Variants in AKR1B15 observed in about 807,000 individuals in gnomAD.
AKR1B15 encodes estradiol 17-beta-dehydrogenase AKR1B15.
A neutral mutation model predicts 38.5 loss-of-function variants in AKR1B15; 49 were observed. That is an observed-to-expected ratio of 1.27 (90% confidence interval 1.01 to 1.62). The LOEUF (loss-of-function observed/expected upper bound fraction) is 1.62, where lower values mean the gene tolerates loss of function less well. Ranked by LOEUF, AKR1B15 falls within the 40% of genes most tolerant of loss-of-function variation. AKR1B15 has a pLI of 0.00. For synonymous variants in AKR1B15, 137 were observed against 135.5 expected, an observed-to-expected ratio of 1.01 and a Z score of -0.08; for missense variants, 411 against 381.6, an observed-to-expected ratio of 1.08 and a Z score of -0.64.
intron 6 of AKR1B15, among the ~76,000 whole-genome samples, chr7:134,572,069 A>G (rs1794680360): frequency 6.6e-6 from 1 of 152,210 alleles, no homozygotes; most frequent in African/African-American, 2.4e-5. Flanking sequence ...AGGTCTTATA[A>G]TACATACTAC....
At chr7:134,557,218 G>A (rs758441163) in intron 2 of AKR1B15, among the ~76,000 whole-genome samples, 48 of 152,218 alleles carry the variant, frequency 3.2e-4, no homozygotes, top group Non-Finnish European at 5.9e-4. Flanking sequence ...CCTCTTGTTA[G>A]GGTTAGTCTT....
intron 5 of AKR1B15, 120 bp downstream of exon 5, chr7:134,569,649 G>A: frequency 9.6e-7 from 1 of 1,044,210 alleles, no homozygotes; most frequent in South Asian, 1.6e-5. Context: ...AGATTTCATG[G>A]ACATTTCTTA....
intron 3 of AKR1B15, among the ~76,000 whole-genome samples, chr7:134,567,273 C>G (rs1379627831): frequency 1.3e-5 from 2 of 152,170 alleles, no homozygotes; most frequent in Non-Finnish European, 2.9e-5. Flanking sequence ...ATTGGCTTGG[C>G]TAGGTTAGAA....
At chr7:134,578,365 A>G (rs1444771970) in intron 11 of AKR1B15, among the ~76,000 whole-genome samples, 2 of 152,302 alleles carry the variant, frequency 1.3e-5, no homozygotes, top group African/African-American at 4.8e-5. Flanking sequence ...CATTCTTGGC[A>G]GTGATAACAG....
rs567152721 is a variant in AKR1B15, at chr7:134,574,472, T to G, written c.514-948T>G. ...TGAATCTCTTCCTTCTCTGCCTTTCTGACTCTGTCTATGCCACTGTCATGT... is the reference window on the plus strand; with the variant it reads ...TGAATCTCTTCCTTCTCTGCCTTTCGGACTCTGTCTATGCCACTGTCATGT... On this transcript the variant is annotated intron_variant, in intron 6 of 11. Coordinates refer to ENST00000457545, the MANE Select transcript of AKR1B15 (RefSeq NM_001080538.3). Among the ~76,000 whole-genome samples the G allele has an allele frequency of 2.4e-4, 37 of 152,332 alleles. No homozygotes were observed. In the South Asian group the frequency reaches 6.8e-3, roughly 28 times the overall value.
intron 2 of AKR1B15, among the ~76,000 whole-genome samples, chr7:134,561,922 C>G (rs1477960097): frequency 1.3e-5 from 2 of 152,214 alleles, no homozygotes; most frequent in African/African-American, 4.8e-5. Flanking sequence ...TCCCTAGACT[C>G]CATTTCACAG....
chr7:134,550,115 C>G (rs1425307157), intron 1 of AKR1B15, among the ~76,000 whole-genome samples: 2 of 152,168 alleles, frequency 1.3e-5, no homozygotes, highest in African/African-American at 4.8e-5. Context: ...CCAAAATAGC[C>G]ACCCTGCTGA....
intron 11 of AKR1B15, among the ~76,000 whole-genome samples, chr7:134,578,134 C>T (rs914831416): frequency 2.6e-5 from 4 of 152,166 alleles, no homozygotes; most frequent in African/African-American, 9.7e-5. Flanking sequence ...CTGTACAAAG[C>T]TGCTGCCTCC....
intron 3 of AKR1B15, 37 bp from the exon 4 acceptor site, chr7:134,568,121 A>G (rs772667310): frequency 9.3e-6 from 15 of 1,612,146 alleles, no homozygotes; most frequent in Non-Finnish European, 1.2e-5. Flanking sequence ...CTTAAAAAAA[A>G]AATACATGTG....
At chr7:134,557,854 C>T (rs920635622) in intron 2 of AKR1B15, among the ~76,000 whole-genome samples, 3 of 152,164 alleles carry the variant, frequency 2.0e-5, no homozygotes, top group African/African-American at 4.8e-5. Context: ...CTGAATTAGT[C>T]TCAGACTGTG....
intron 2 of AKR1B15, among the ~76,000 whole-genome samples, chr7:134,557,622 A>G (rs1315894777): frequency 6.6e-6 from 1 of 152,170 alleles, no homozygotes; most frequent in African/African-American, 2.4e-5. Context: ...ACTTTGTGAT[A>G]ATTTAAGCCC....
chr7:134,572,631 GAAAAAAA>G (rs367742933), intron 6 of AKR1B15, among the ~76,000 whole-genome samples: 2,818 of 125,698 alleles, frequency 0.022, 95 homozygotes, highest in African/African-American at 0.077. Context: ...CCATCTTGAA[GAAAAAAA>G]AAAAAAAGAA....
chr7:134,560,325 A>C (rs920162695), intron 2 of AKR1B15, among the ~76,000 whole-genome samples: 1 of 152,136 alleles, frequency 6.6e-6, no homozygotes. Flanking sequence ...CGGAAAACAC[A>C]TAAAGAGGGT....
intron 3 of AKR1B15, 111 bp from the exon 4 acceptor site, chr7:134,568,047 T>A (rs566123380): frequency 2.3e-6 from 3 of 1,317,922 alleles, no homozygotes. Flanking sequence ...TACTCAGGAG[T>A]TGGGAGGATT....
At chr7:134,567,018 A>G (rs771667896) in intron 3 of AKR1B15, among the ~76,000 whole-genome samples, 1 of 152,244 alleles carries the variant, frequency 6.6e-6, no homozygotes, top group Non-Finnish European at 1.5e-5. Context: ...GCTGCCTTCA[A>G]CACGTGGGGA....
Position 134,565,547 on chromosome 7 carries a change from G to A in AKR1B15, c.150+778G>A, listed in dbSNP as rs760873336. The A allele has an allele frequency of 1.9e-6, 3 of 1,613,776 alleles. No individual in the cohort carries two copies. The Admixed American group carries it at 5.0e-5, about 27-fold the overall frequency. ...CATTGTGGGCCTGGGCACTTGGAGGGTAAATATGCAAATCTTTGCACAACT... is the reference window on the plus strand; with the variant it reads ...CATTGTGGGCCTGGGCACTTGGAGGATAAATATGCAAATCTTTGCACAACT... On this transcript the variant is annotated intron_variant, in intron 3 of 11. Transcript: ENST00000457545.
intron 2 of AKR1B15, among the ~76,000 whole-genome samples, chr7:134,563,535 A>C (rs1266352856): frequency 6.6e-6 from 1 of 152,188 alleles, no homozygotes; most frequent in African/African-American, 2.4e-5. Flanking sequence ...GCATCAGAGC[A>C]AGACTCCGTC....
At chr7:134,562,508 A>ATACGGAGCACTGATTGGTCCATTT (rs1284839333) in intron 2 of AKR1B15, among the ~76,000 whole-genome samples, 10 of 151,788 alleles carry the variant, frequency 6.6e-5, no homozygotes, top group South Asian at 2.1e-4. Context: ...TTGGTCCATT[A>ATACGGAGCACTGATTGGTCCATTT]TACGGAGCAC....
At chr7:134,575,319 G>T (rs776211531) in intron 6 of AKR1B15, 101 bp from the exon 7 acceptor site, 16 of 1,507,290 alleles carry the variant, frequency 1.1e-5, no homozygotes, top group Admixed American at 6.9e-5. Flanking sequence ...ACTCTGTTGC[G>T]GTGGATCCTT....
Sources: gnomAD v4.1 joint callset for allele counts (sites outside exome capture counted in the v4.1 genomes callset) on GRCh38, gnomAD v4.1.1 for gene constraint, MANE v1.5 for transcripts, NCBI Gene and HGNC (gene_info 2026-07-23, HGNC 2026-07-21) for gene names.